KIAA1549: variants seen among roughly 807,000 people sequenced by gnomAD.
The protein encoded by KIAA1549 is KIAA1549.
Under a neutral mutation model 156.4 loss-of-function variants are expected in KIAA1549, and 70 were observed. The observed-to-expected ratio is 0.45, with a 90% CI of 0.37 to 0.55. The LOEUF is 0.55. Among genes scored for constraint, KIAA1549 ranks in the 20% least tolerant of loss-of-function variants. KIAA1549 has a pLI of 0.00. For synonymous variants in KIAA1549, 1,103 were observed against 1,066.4 expected (o/e 1.03, Z -0.67); for missense variants, 2,428 against 2,540.9 (o/e 0.96, Z 0.96).
chr7:138,908,294 G>A (rs1393086738), intron 5 of KIAA1549, among the ~76,000 whole-genome samples: 1 of 152,114 alleles, frequency 6.6e-6, no homozygotes. Flanking sequence ...AACGTCCTCA[G>A]AGACTTTTAA....
At chr7:138,901,872 G>A (rs1446077182) in intron 8 of KIAA1549, among the ~76,000 whole-genome samples, 1 of 152,148 alleles carries the variant, frequency 6.6e-6, no homozygotes, top group Non-Finnish European at 1.5e-5. Flanking sequence ...TGGCTTATAA[G>A]CAATCTATCA....
In KIAA1549 at chr7:138,871,281, G is replaced by C. The variant is rs201971426; in HGVS notation, c.4427C>G (p.Pro1476Arg). Residue 1476 changes from proline (P) to arginine (R), a missense_variant, in exon 13 of 20, where the codon CCG becomes CGG. This residue lies in a region of KIAA1549 where 404 missense variants were observed against 417.0 expected (regional missense o/e 0.97). Transcript: ENST00000422774. The part of the protein sequence containing the change: ...FEHVDRISRP[P>R]EASRRVPSKI... ...ACTGGGGACCCGCCGGCTAGCCTCC[G>C]GGGGGCGGGAGATCCTGTCCACGTG... 8 of 1,609,914 alleles carry C rather than the reference G, an allele frequency of 5.0e-6. No homozygotes were observed. In the East Asian group the frequency reaches 8.9e-5, roughly 18 times the overall value.
At chr7:138,906,131 C>A (rs1811999902) in intron 6 of KIAA1549, among the ~76,000 whole-genome samples, 1 of 152,186 alleles carries the variant, frequency 6.6e-6, no homozygotes, top group Non-Finnish European at 1.5e-5. Context: ...ACCCATCTGG[C>A]CTGAATCCAG....
At chr7:138,944,077 AT>A (rs71169068) in intron 1 of KIAA1549, among the ~76,000 whole-genome samples, 1,707 of 144,928 alleles carry the variant, frequency 0.012, 31 homozygotes, top group African/African-American at 0.038. Context: ...CTCTCTTAGC[AT>A]TTTTTTTTTT....
At position 138,898,305 on chromosome 7, in the gene KIAA1549, CAAA is replaced by C. The variant is rs575419720; in HGVS notation, c.3847+647_3847+649del. ...CTGGTGACAGAGTGAGACTCCATCT[CAAA>C]AAAAAAAAAAAAAAAGCAAACAAAT... On this transcript the variant is annotated intron_variant, in intron 9 of 19. Coordinates refer to ENST00000422774, the MANE Select transcript of KIAA1549 (RefSeq NM_001164665.2). 1.7e-4 allele frequency among the ~76,000 whole-genome samples: 8 copies of C among 47,606 alleles called. No homozygotes were observed. In the South Asian group the frequency reaches 2.8e-3, roughly 16 times the overall value. The allele number at this position is 47,606 out of a possible 152,430, so 31.2% of individuals were successfully genotyped here. A position where few individuals can be genotyped will look rare whatever the true frequency, so the allele number is the denominator to read the frequency against.
intron 1 of KIAA1549, among the ~76,000 whole-genome samples, chr7:138,947,381 C>T (rs761925529): frequency 1.3e-5 from 2 of 152,082 alleles, no homozygotes; most frequent in Non-Finnish European, 2.9e-5. Flanking sequence ...CTGAAAAACC[C>T]GAAAACGCTG....
chr7:138,981,325 G>C lies in KIAA1549; in HGVS notation c.-56C>G, dbSNP rs1814548890. 1.3e-6 allele frequency: 1 copy of C among 765,230 alleles called. No homozygotes were observed. The highest frequency in any genetic ancestry group is 5.9e-5 in the South Asian group (1 of 17,046). 47.4% of individuals were successfully genotyped at this position (765,230 alleles called of 1,614,324 possible). On this transcript the variant is annotated 5_prime_UTR_variant, in exon 1 of 20. Transcript: ENST00000422774. The surrounding 1 kb of genome is among the most constrained non-coding windows in gnomAD (Gnocchi z 4.5). ...GCTCAGCGGCTCTCGGGTCCGGGAG[G>C]GGCGGCCGCTGCGGCTGCGGCTGGG...
chr7:138,979,568 C>T (rs558081927), intron 1 of KIAA1549, among the ~76,000 whole-genome samples: 3 of 152,150 alleles, frequency 2.0e-5, no homozygotes, highest in Non-Finnish European at 4.4e-5. Flanking sequence ...AGATGGAAAC[C>T]ATTTATCTGC....
chr7:138,972,699 A>G (rs982465633), intron 1 of KIAA1549, among the ~76,000 whole-genome samples: 1 of 151,934 alleles, frequency 6.6e-6, no homozygotes, highest in Non-Finnish European at 1.5e-5. Flanking sequence ...TTCTCCCAAC[A>G]TTACTTCTTC....
Position 138,928,762 on chromosome 7 carries a change from T to TA in KIAA1549, c.188-9325dup, listed in dbSNP as rs567131950. ...TTAAGTACACAATAGCATTATGTCT[T>TA]AAAAAAACAATGTACATCTCCTAAT... On this transcript the variant is annotated intron_variant, in intron 1 of 19. Transcript: ENST00000422774. Among the ~76,000 whole-genome samples, 402 of 152,296 alleles carry TA rather than the reference T, an allele frequency of 2.6e-3. 1 individual carries two copies. Among genetic ancestry groups the TA allele is most frequent in the African/African-American group, 9.1e-3 (378 of 41,568 alleles).
At chr7:138,858,069 A>G in intron 16 of KIAA1549, among the ~76,000 whole-genome samples, 1 of 151,618 alleles carries the variant, frequency 6.6e-6, no homozygotes. Context: ...TGCTTTTGGT[A>G]TCTGTTTCTA....
intron 13 of KIAA1549, among the ~76,000 whole-genome samples, chr7:138,870,301 T>C (rs370997984): frequency 3.3e-5 from 5 of 151,188 alleles, no homozygotes; most frequent in East Asian, 3.9e-4. Flanking sequence ...AGCTTTACCC[T>C]CAAGCACTGT....
At chr7:138,878,028 C>A (rs547183913) in intron 12 of KIAA1549, among the ~76,000 whole-genome samples, 39 of 152,268 alleles carry the variant, frequency 2.6e-4, no homozygotes, top group African/African-American at 8.7e-4. Context: ...AGGATCAAAA[C>A]GAGATTCTAA....
At chr7:138,929,557 G>A (rs1048686316) in intron 1 of KIAA1549, among the ~76,000 whole-genome samples, 1 of 152,096 alleles carries the variant, frequency 6.6e-6, no homozygotes, top group African/African-American at 2.4e-5. Context: ...CATAAATCAC[G>A]AATATTCTTT....
chr7:138,970,040 G>A (rs1814172202), intron 1 of KIAA1549, among the ~76,000 whole-genome samples: 2 of 152,132 alleles, frequency 1.3e-5, no homozygotes, highest in South Asian at 4.2e-4. Flanking sequence ...TCACCCTGTT[G>A]TGCTAGCAAA....
intron 1 of KIAA1549, among the ~76,000 whole-genome samples, chr7:138,968,366 C>T (rs944644062): frequency 6.6e-6 from 1 of 152,102 alleles, no homozygotes; most frequent in Non-Finnish European, 1.5e-5. Flanking sequence ...AAAAAAATAA[C>T]TGTGGTTAAA....
At chr7:138,900,482 C>T (rs1033219556) in intron 8 of KIAA1549, among the ~76,000 whole-genome samples, 2 of 152,190 alleles carry the variant, frequency 1.3e-5, no homozygotes, top group African/African-American at 4.8e-5. Flanking sequence ...AGTATAGTTT[C>T]TTCTTCTAGA....
At chr7:138,948,817 C>T (rs1339956740) in intron 1 of KIAA1549, among the ~76,000 whole-genome samples, 2 of 151,890 alleles carry the variant, frequency 1.3e-5, no homozygotes, top group African/African-American at 2.4e-5. Flanking sequence ...CTCAGCCTCC[C>T]GAGTAGCTGG....
chr7:138,853,342 T>C (rs1037326), intron 16 of KIAA1549, among the ~76,000 whole-genome samples: 75,046 of 152,074 alleles, frequency 0.49, 19,297 homozygotes, highest in East Asian at 0.82. Flanking sequence ...TCACTGCCTC[T>C]GTTTTATAAA....
Sources: gnomAD v4.1 joint callset for allele counts (sites outside exome capture counted in the v4.1 genomes callset) on GRCh38, gnomAD v4.1.1 for gene constraint, gnomAD v4.1.1 regional missense constraint, Gnocchi (gnomAD v3.1) non-coding constraint, MANE v1.5 for transcripts, NCBI Gene and HGNC (gene_info 2026-07-23, HGNC 2026-07-21) for gene names.